CWC27: variants seen among roughly 807,000 people sequenced by gnomAD.
The protein encoded by CWC27 is spliceosome-associated protein CWC27 homolog.
CWC27 carries 47 observed loss-of-function variants against 63.6 expected under a neutral mutation model. The ratio of observed to expected loss-of-function variants is 0.74; its 90% CI spans 0.58 to 0.94. The LOEUF is 0.94. CWC27 is among the 40% of genes least tolerant of loss of function. The probability of loss-of-function intolerance (pLI) is 0.00; values close to 1 mark genes in which losing one functional copy is unlikely to be tolerated. For missense variants in CWC27, 495 were observed against 554.3 expected (o/e 0.89, Z 1.07); for synonymous variants, 175 against 179.8 (o/e 0.97, Z 0.22).
intron 11 of CWC27, among the ~76,000 whole-genome samples, chr5:64,901,908 C>T (rs1317897027): frequency 4.6e-5 from 7 of 152,078 alleles, no homozygotes; most frequent in Non-Finnish European, 8.8e-5. Flanking sequence ...AAAGCCTAAG[C>T]CAACACAGGG....
At chr5:64,974,469 C>T (rs1180570563) in intron 12 of CWC27, among the ~76,000 whole-genome samples, 1 of 152,110 alleles carries the variant, frequency 6.6e-6, no homozygotes, top group Non-Finnish European at 1.5e-5. Context: ...CTGATAAACC[C>T]ATCAGATCTT....
chr5:64,874,433 G>A (rs1021264071), intron 10 of CWC27, among the ~76,000 whole-genome samples: 1 of 151,320 alleles, frequency 6.6e-6, no homozygotes, highest in Non-Finnish European at 1.5e-5. Context: ...CAAAGTGCTG[G>A]GATTACAGGC....
chr5:64,977,477 T>C (rs907086219), intron 13 of CWC27, among the ~76,000 whole-genome samples: 2 of 152,186 alleles, frequency 1.3e-5, no homozygotes, highest in African/African-American at 2.4e-5. Flanking sequence ...TGCTAGTCAG[T>C]AAAAAATGCA....
chr5:64,939,131 A>G (rs952839043), intron 11 of CWC27, among the ~76,000 whole-genome samples: 3 of 152,022 alleles, frequency 2.0e-5, no homozygotes, highest in Admixed American at 2.0e-4. Flanking sequence ...CTCATTCTCC[A>G]TCCAGTTTTG....
At chr5:64,940,308 G>A (rs1426441907) in intron 11 of CWC27, among the ~76,000 whole-genome samples, 3 of 152,178 alleles carry the variant, frequency 2.0e-5, no homozygotes, top group African/African-American at 7.2e-5. Context: ...TTAGTATCTG[G>A]GCTGGAGGGC....
intron 11 of CWC27, among the ~76,000 whole-genome samples, chr5:64,910,206 G>T (rs1747754879): frequency 6.6e-6 from 1 of 152,212 alleles, no homozygotes; most frequent in Non-Finnish European, 1.5e-5. Flanking sequence ...AGGTCTGTTG[G>T]AGTTTGCTGG....
chr5:64,792,392 T>A (rs1328778077), intron 7 of CWC27, among the ~76,000 whole-genome samples: 1 of 152,182 alleles, frequency 6.6e-6, no homozygotes, highest in Non-Finnish European at 1.5e-5. Context: ...TATGTATGCC[T>A]TATTGTTTCC....
At chr5:64,899,800 A>T (rs1006554748) in intron 11 of CWC27, among the ~76,000 whole-genome samples, 1 of 152,230 alleles carries the variant, frequency 6.6e-6, no homozygotes, top group Non-Finnish European at 1.5e-5. Flanking sequence ...TCAAGGCCCA[A>T]CATGTTCTCA....
At chr5:64,780,124 C>G (rs929795503) in intron 2 of CWC27, among the ~76,000 whole-genome samples, 11 of 152,248 alleles carry the variant, frequency 7.2e-5, no homozygotes, top group African/African-American at 1.2e-4. Context: ...GCAGATTTAC[C>G]TATTCTAGAT....
intron 10 of CWC27, among the ~76,000 whole-genome samples, chr5:64,849,172 C>A (rs1278868743): frequency 6.6e-6 from 1 of 150,706 alleles, no homozygotes; most frequent in Non-Finnish European, 1.5e-5. Context: ...CTTCTGTACA[C>A]TAACAATGAA....
In CWC27 at chr5:65,018,518, G is replaced by C. The variant is rs1750091037; in HGVS notation, c.*197G>C. ...AATGCTTTTGGTTACTGGTACATGT[G>C]TTTTTTCCTAGCTGACCTTTTATAT... On this transcript the variant is annotated 3_prime_UTR_variant, in exon 14 of 14. Transcript: ENST00000381070. 2.3e-6 allele frequency: 1 copy of C among 429,534 alleles called. No homozygotes were observed. Among genetic ancestry groups the C allele is most frequent in the Non-Finnish European group, 4.0e-6 (1 of 247,100 alleles). 26.6% of individuals were successfully genotyped at this position (429,534 alleles called of 1,614,324 possible). A position where few individuals can be genotyped will look rare whatever the true frequency, so the allele number is the denominator to read the frequency against.
chr5:64,971,610 C>T, intron 11 of CWC27, 93 bp from the exon 12 acceptor site: 1 of 987,552 alleles, frequency 1.0e-6, no homozygotes, highest in South Asian at 2.3e-5. Context: ...GCCCAAGTGC[C>T]AACCTCCTCT....
intron 9 of CWC27, among the ~76,000 whole-genome samples, chr5:64,803,978 C>G (rs1744571701): frequency 6.6e-6 from 1 of 152,020 alleles, no homozygotes; most frequent in Admixed American, 6.6e-5. Context: ...CACAAAGGAG[C>G]TGGGCATGAG....
At chr5:64,858,155 A>C (rs1378059358) in intron 10 of CWC27, among the ~76,000 whole-genome samples, 1 of 137,624 alleles carries the variant, frequency 7.3e-6, no homozygotes, top group Non-Finnish European at 1.6e-5. Context: ...AAAAAAAAAA[A>C]AAAAAAAAAT....
At chr5:64,880,088 G>A (rs1746900560) in intron 10 of CWC27, among the ~76,000 whole-genome samples, 1 of 151,886 alleles carries the variant, frequency 6.6e-6, no homozygotes, top group African/African-American at 2.4e-5. Context: ...TCACATCACA[G>A]TTCACATGCT....
intron 11 of CWC27, among the ~76,000 whole-genome samples, chr5:64,934,502 T>C (rs1258059421): frequency 1.3e-5 from 2 of 152,232 alleles, no homozygotes; most frequent in African/African-American, 4.8e-5. Context: ...CAGTCTATCA[T>C]TGATGAGCGT....
At chr5:64,789,465 A>G (rs1744001648) in intron 7 of CWC27, among the ~76,000 whole-genome samples, 1 of 152,018 alleles carries the variant, frequency 6.6e-6, no homozygotes, top group African/African-American at 2.4e-5. Flanking sequence ...TATCATCCTC[A>G]TTTTACTCAT....
intron 10 of CWC27, among the ~76,000 whole-genome samples, chr5:64,840,724 T>G (rs1745811424): frequency 6.6e-6 from 1 of 152,114 alleles, no homozygotes; most frequent in Non-Finnish European, 1.5e-5. Flanking sequence ...CATGATCAGA[T>G]TCATATTTTA....
chr5:64,826,703 G>GTTTTTTTTTTTT (rs796870037), intron 10 of CWC27, among the ~76,000 whole-genome samples: 1 of 141,938 alleles, frequency 7.0e-6, no homozygotes, highest in African/African-American at 2.5e-5. Context: ...GTGTTTTTTT[G>GTTTTTTTTTTTT]TTTTTTTTTT....
Sources: gnomAD v4.1 joint callset for allele counts (sites outside exome capture counted in the v4.1 genomes callset) on GRCh38, gnomAD v4.1.1 for gene constraint, MANE v1.5 for transcripts, NCBI Gene and HGNC (gene_info 2026-07-23, HGNC 2026-07-21) for gene names.